The following SORBS2 variants were observed in gnomAD, a reference collection of about 807,000 sequenced individuals.
SORBS2 encodes sorbin and SH3 domain-containing protein 2.
SORBS2 carries 46 observed loss-of-function variants against 97.7 expected under a neutral mutation model. The ratio of observed to expected loss-of-function variants is 0.47; its 90% CI spans 0.37 to 0.60. SORBS2 has a LOEUF of 0.60. Among genes scored for constraint, SORBS2 ranks in the 20% least tolerant of loss-of-function variants. The pLI is 0.00. For synonymous variants in SORBS2, 476 were observed against 473.4 expected (o/e 1.01, Z -0.07); for missense variants, 1,316 against 1,282.3 (o/e 1.03, Z -0.40).
chr4:185,768,240 GA>G (rs1226650834), intron 2 of SORBS2, among the ~76,000 whole-genome samples: 2 of 152,152 alleles, frequency 1.3e-5, no homozygotes, highest in Non-Finnish European at 2.9e-5. Context: ...CTTGGTAACA[GA>G]ATCCCATGTT....
intron 2 of SORBS2, among the ~76,000 whole-genome samples, chr4:185,721,690 T>C (rs2098515974): frequency 6.6e-6 from 1 of 152,110 alleles, no homozygotes; most frequent in Non-Finnish European, 1.5e-5. Flanking sequence ...AAGAAGAAAA[T>C]ACCCAGATCT....
intron 2 of SORBS2, among the ~76,000 whole-genome samples, chr4:185,757,619 C>T (rs182175160): frequency 1.3e-5 from 2 of 151,494 alleles, no homozygotes; most frequent in Non-Finnish European, 2.9e-5. Flanking sequence ...ATTCCATGTC[C>T]TGGGAAATTA....
At chr4:185,726,162 T>C (rs2153565756) in intron 2 of SORBS2, among the ~76,000 whole-genome samples, 1 of 152,316 alleles carries the variant, frequency 6.6e-6, no homozygotes, top group Middle Eastern at 3.4e-3. Context: ...TGTGAGATGT[T>C]TTATTCGTTG....
At chr4:185,948,320 A>T (rs2099275504) in intron 1 of SORBS2, among the ~76,000 whole-genome samples, 1 of 152,050 alleles carries the variant, frequency 6.6e-6, no homozygotes, top group South Asian at 2.1e-4. Flanking sequence ...CCTTCCTAAA[A>T]TATTGGCCAT....
chr4:185,841,104 C>T (rs902437233), intron 1 of SORBS2, among the ~76,000 whole-genome samples: 28 of 152,256 alleles, frequency 1.8e-4, no homozygotes, highest in African/African-American at 5.8e-4. Context: ...TGCGGCATTG[C>T]GGAAGAACAA....
chr4:185,812,860 G>C (rs1446312577), intron 1 of SORBS2: 1 of 152,122 alleles, frequency 6.6e-6, no homozygotes, highest in Non-Finnish European at 1.5e-5. Flanking sequence ...GGCAGAAAAT[G>C]ATTCTTTAAC....
chr4:185,808,026 A>G (rs2099164188), intron 1 of SORBS2, among the ~76,000 whole-genome samples: 1 of 152,222 alleles, frequency 6.6e-6, no homozygotes. Context: ...TCTAATTACT[A>G]TATGCAATTT....
rs1467347272 is a variant in SORBS2 at position 185,656,303 on chromosome 4, T to C, written c.24+312A>G. Among the ~76,000 whole-genome samples, 3 of 152,206 alleles carry C rather than the reference T, an allele frequency of 2.0e-5. No homozygotes were observed. The South Asian group carries it at 6.2e-4, about 32-fold the overall frequency. On this transcript the variant is annotated intron_variant, in intron 1 of 14. Coordinates refer to ENST00000418609, the Ensembl canonical transcript of SORBS2. The stretch of plus-strand genomic sequence containing the variant: ...TGGCTTTCAATTGTAATATAGATGC[T>C]GAGAATAATCCATTTTAAACTCTTC...
At chr4:185,922,472 G>A (rs1401185101) in intron 1 of SORBS2, among the ~76,000 whole-genome samples, 2 of 152,166 alleles carry the variant, frequency 1.3e-5, no homozygotes, top group African/African-American at 4.8e-5. Flanking sequence ...TCATAGGAAC[G>A]AATCATGGAA....
At chr4:185,600,412 C>T (rs919229015) in intron 12 of SORBS2, among the ~76,000 whole-genome samples, 12 of 152,318 alleles carry the variant, frequency 7.9e-5, no homozygotes, top group Middle Eastern at 3.4e-3. Context: ...AGTCTCGGCT[C>T]ACTGCAACCT....
chr4:185,863,838 T>C (rs2149717807), intron 1 of SORBS2, among the ~76,000 whole-genome samples: 1 of 152,324 alleles, frequency 6.6e-6, no homozygotes, highest in Non-Finnish European at 1.5e-5. Flanking sequence ...TATAAGCCTT[T>C]AATTTTCTCC....
intron 2 of SORBS2, chr4:185,774,762 A>C (rs2098991800): frequency 6.6e-6 from 1 of 152,154 alleles, no homozygotes; most frequent in African/African-American, 2.4e-5. Flanking sequence ...TGAACGAAAC[A>C]GTGATGAAAG....
At chr4:185,929,589 G>A (rs1435163593) in intron 1 of SORBS2, among the ~76,000 whole-genome samples, 1 of 149,446 alleles carries the variant, frequency 6.7e-6, no homozygotes, top group East Asian at 2.0e-4. Context: ...GTGCAGTGGT[G>A]CAATCTCGAC....
chr4:185,594,259 C>T (rs1485416744), intron 12 of SORBS2, among the ~76,000 whole-genome samples: 1 of 152,094 alleles, frequency 6.6e-6, no homozygotes, highest in African/African-American at 2.4e-5. Context: ...AGACGGCAAA[C>T]CACTAGAATA....
At chr4:185,604,744 A>C (rs2153387269) in intron 12 of SORBS2, among the ~76,000 whole-genome samples, 1 of 152,228 alleles carries the variant, frequency 6.6e-6, no homozygotes, top group Non-Finnish European at 1.5e-5. Flanking sequence ...AATTTTTCGC[A>C]TGGGGGTGGC....
chr4:185,826,226 G>A (rs1229561069), intron 1 of SORBS2, among the ~76,000 whole-genome samples: 2 of 152,110 alleles, frequency 1.3e-5, no homozygotes, highest in African/African-American at 4.8e-5. Context: ...CAGAAGTAGG[G>A]GGATTTTCTC....
intron 2 of SORBS2, 102 bp downstream of exon 10, chr4:185,652,560 G>C: frequency 1.1e-6 from 1 of 888,926 alleles, no homozygotes; most frequent in Non-Finnish European, 1.9e-6. Context: ...CACGGAGTTT[G>C]CTGGGGTCTT....
At chr4:185,792,679 T>C (rs1380093157) in intron 1 of SORBS2, among the ~76,000 whole-genome samples, 1 of 152,174 alleles carries the variant, frequency 6.6e-6, no homozygotes, top group Non-Finnish European at 1.5e-5. Flanking sequence ...CTTTTTATTG[T>C]CGTGCTATTT....
intron 5 of SORBS2, 117 bp downstream of exon 8, chr4:185,661,987 G>T: frequency 1.8e-6 from 2 of 1,117,840 alleles, no homozygotes; most frequent in South Asian, 1.6e-5. Flanking sequence ...TCTCCCTGGG[G>T]ATAGGGTCAT....
Sources: gnomAD v4.1 joint callset for allele counts (sites outside exome capture counted in the v4.1 genomes callset) on GRCh38, gnomAD v4.1.1 for gene constraint, MANE v1.5 for transcripts, NCBI Gene and HGNC (gene_info 2026-07-23, HGNC 2026-07-21) for gene names.